ST8SIA1: variants seen among roughly 807,000 people sequenced by gnomAD.
ST8SIA1 encodes alpha-N-acetylneuraminide alpha-2,8-sialyltransferase.
Under a neutral mutation model 35.9 loss-of-function variants are expected in ST8SIA1, and 16 were observed. The ratio of observed to expected loss-of-function variants is 0.45; its 90% CI spans 0.30 to 0.68. The LOEUF (loss-of-function observed/expected upper bound fraction) is 0.68, where lower values mean the gene tolerates loss of function less well. Among genes scored for constraint, ST8SIA1 ranks in the 30% least tolerant of loss-of-function variants. The pLI is 0.09. For missense variants in ST8SIA1, 383 were observed against 453.6 expected (o/e 0.84, Z 1.41); for synonymous variants, 170 against 169.6 (o/e 1.00, Z -0.02).
intron 4 of ST8SIA1, among the ~76,000 whole-genome samples, chr12:22,239,608 G>C (rs912413602): frequency 6.6e-6 from 1 of 152,070 alleles, no homozygotes; most frequent in East Asian, 1.9e-4. Context: ...TACTGCATCT[G>C]ACAATTCCAA....
rs376738345 is a variant in ST8SIA1, at chr12:22,249,070, A to G, written c.520T>C (p.Tyr174His). 3.2e-5 allele frequency: 52 copies of G among 1,613,638 alleles called. No individual in the cohort carries two copies. Among genetic ancestry groups the G allele is most frequent in the Non-Finnish European group, 4.2e-5 (50 of 1,179,754 alleles). ...CTTTTGGATCCAACATCCTTAGTGT[A>G]TTCACTTGACAAAGGAGGGAGATTG... Reference protein sequence around the residue: ...RCNLPPLSSEYTKDVGSKSQL... With the variant: ...RCNLPPLSSEHTKDVGSKSQL... The change falls in exon 4 of 5, where the codon TAC (tyrosine) becomes CAC (histidine). Residue 174 changes from tyrosine (Y) to histidine (H), a missense_variant. Transcript: ENST00000396037.
chr12:22,249,241 TG>T, intron 3 of ST8SIA1, 143 bp from the exon 4 acceptor site: 3 of 578,424 alleles, frequency 5.2e-6, no homozygotes, highest in Non-Finnish European at 6.0e-6. Context: ...TTTTTTGAGA[TG>T]GAGTCTCGCT....
intron 1 of ST8SIA1, among the ~76,000 whole-genome samples, chr12:22,304,342 T>C (rs867057974): frequency 1.0e-4 from 15 of 144,774 alleles, no homozygotes; most frequent in Non-Finnish European, 1.7e-4. Flanking sequence ...TTCTTTTTTT[T>C]TTTTTTTTTT....
At chr12:22,238,668 ACTTCAAT>A (rs983329457) in intron 4 of ST8SIA1, among the ~76,000 whole-genome samples, 10 of 152,166 alleles carry the variant, frequency 6.6e-5, no homozygotes, top group Admixed American at 5.2e-4. Context: ...AGCTAAAAAC[ACTTCAAT>A]CTCCCCCTCC....
intron 2 of ST8SIA1, among the ~76,000 whole-genome samples, chr12:22,281,843 A>T (rs1866040057): frequency 6.7e-6 from 1 of 149,830 alleles, no homozygotes; most frequent in Non-Finnish European, 1.5e-5. Context: ...AAAATACAAT[A>T]AAAAAAATAC....
chr12:22,294,593 T>C (rs1866220759), intron 1 of ST8SIA1, among the ~76,000 whole-genome samples: 1 of 152,226 alleles, frequency 6.6e-6, no homozygotes, highest in Non-Finnish European at 1.5e-5. Context: ...AGTAATCTTG[T>C]ATTTAGCAGT....
chr12:22,247,567 C>A (rs569122518), intron 4 of ST8SIA1, among the ~76,000 whole-genome samples: 1 of 151,678 alleles, frequency 6.6e-6, no homozygotes, highest in African/African-American at 2.4e-5. Context: ...CTTATAAGAA[C>A]AAAAATAAAT....
At chr12:22,303,565 T>A (rs1433821679) in intron 1 of ST8SIA1, among the ~76,000 whole-genome samples, 2 of 152,146 alleles carry the variant, frequency 1.3e-5, no homozygotes, top group Non-Finnish European at 2.9e-5. Context: ...AACCAGCTGG[T>A]TTTAATTGCT....
chr12:22,318,799 A>G (rs1005009047), intron 1 of ST8SIA1, among the ~76,000 whole-genome samples: 7 of 152,236 alleles, frequency 4.6e-5, no homozygotes, highest in African/African-American at 1.7e-4. Context: ...AGACACTGCA[A>G]TATAAGGGAC....
chr12:22,313,623 AG>A (rs1866480494), intron 1 of ST8SIA1, among the ~76,000 whole-genome samples: 1 of 152,226 alleles, frequency 6.6e-6, no homozygotes, highest in South Asian at 2.1e-4. Context: ...ACAACAAAAA[AG>A]AATCACTGGA....
intron 4 of ST8SIA1, among the ~76,000 whole-genome samples, chr12:22,204,616 T>A (rs965422309): frequency 6.6e-6 from 1 of 152,160 alleles, no homozygotes; most frequent in Non-Finnish European, 1.5e-5. Context: ...GTCAAGATGA[T>A]TGATTTTGTG....
intron 3 of ST8SIA1, 66 bp downstream of exon 3, chr12:22,255,214 G>C (rs745465936): frequency 7.6e-7 from 1 of 1,309,996 alleles, no homozygotes; most frequent in Admixed American, 1.7e-5. Flanking sequence ...AAAAGCCCCA[G>C]GGCTTATGGG....
chr12:22,295,088 G>T (rs369320063), intron 1 of ST8SIA1, among the ~76,000 whole-genome samples: 1 of 152,222 alleles, frequency 6.6e-6, no homozygotes, highest in African/African-American at 2.4e-5. Context: ...GCAGAGGTAG[G>T]GGGGACACCT....
At chr12:22,206,651 G>A (rs1865113708) in intron 4 of ST8SIA1, among the ~76,000 whole-genome samples, 2 of 152,134 alleles carry the variant, frequency 1.3e-5, no homozygotes, top group South Asian at 4.1e-4. Flanking sequence ...TAACATTTGG[G>A]AACTGCCCAA....
intron 4 of ST8SIA1, 151 bp downstream of exon 4, chr12:22,248,855 C>A (rs1865633683): frequency 1.7e-6 from 1 of 577,748 alleles, no homozygotes; most frequent in Admixed American, 3.2e-5. Context: ...ATCCTGTTTT[C>A]TTTATTTACA....
At chr12:22,263,067 G>T (rs1160697402) in intron 2 of ST8SIA1, among the ~76,000 whole-genome samples, 2 of 152,130 alleles carry the variant, frequency 1.3e-5, no homozygotes, top group Non-Finnish European at 2.9e-5. Context: ...ACTGACCTAA[G>T]GCCTGAACAG....
intron 2 of ST8SIA1, among the ~76,000 whole-genome samples, chr12:22,278,011 A>G (rs1343710858): frequency 6.6e-6 from 1 of 152,188 alleles, no homozygotes; most frequent in Non-Finnish European, 1.5e-5. Context: ...TTCCCCAGGA[A>G]CTAGCACAGT....
At chr12:22,252,896 T>C (rs1865690227) in intron 3 of ST8SIA1, among the ~76,000 whole-genome samples, 2 of 152,212 alleles carry the variant, frequency 1.3e-5, no homozygotes, top group Non-Finnish European at 2.9e-5. Context: ...ACGAAGTGTA[T>C]TTACATTTCT....
At chr12:22,322,241 T>C (rs555383119) in intron 1 of ST8SIA1, among the ~76,000 whole-genome samples, 2 of 152,244 alleles carry the variant, frequency 1.3e-5, no homozygotes, top group Non-Finnish European at 1.5e-5. Flanking sequence ...TATAAAGAAG[T>C]GGAGAGACTG....
Sources: allele counts gnomAD v4.1 joint callset (sites outside exome capture counted in the v4.1 genomes callset), GRCh38; gene constraint gnomAD v4.1.1; transcripts MANE v1.5; gene names NCBI Gene and HGNC (gene_info 2026-07-23, HGNC 2026-07-21).